The following CRB1 variants were observed in gnomAD, a reference collection of about 807,000 sequenced individuals.
CRB1 encodes the protein crumbs cell polarity complex component 1.
Under a neutral mutation model 120.0 loss-of-function variants are expected in CRB1, and 83 were observed. The ratio of observed to expected loss-of-function variants is 0.69; its 90% CI spans 0.58 to 0.83. CRB1 has a LOEUF of 0.83. Among genes scored for constraint, CRB1 ranks in the 40% least tolerant of loss-of-function variants. The probability of loss-of-function intolerance (pLI) is 0.00; values close to 1 mark genes in which losing one functional copy is unlikely to be tolerated. For missense variants in CRB1, 1,699 were observed against 1,687.6 expected (o/e 1.01, Z -0.12); for synonymous variants, 625 against 612.5 (o/e 1.02, Z -0.30).
chr1:197,314,287 T>G (rs1657717483), intron 1 of CRB1, among the ~76,000 whole-genome samples: 1 of 152,244 alleles, frequency 6.6e-6, no homozygotes, highest in Admixed American at 6.5e-5. Context: ...CTTCCTTCTC[T>G]GGTTCCAATG....
At chr1:197,399,638 A>T (rs1431699444) in intron 5 of CRB1, among the ~76,000 whole-genome samples, 1 of 152,180 alleles carries the variant, frequency 6.6e-6, no homozygotes, top group Non-Finnish European at 1.5e-5. Flanking sequence ...TTATTATCTC[A>T]CAGTTTCAGT....
chr1:197,321,061 T>G (rs1658161692), intron 1 of CRB1, among the ~76,000 whole-genome samples: 1 of 152,202 alleles, frequency 6.6e-6, no homozygotes, highest in Admixed American at 6.5e-5. Flanking sequence ...TGCTCAGCAA[T>G]GAAGCCTCGG....
chr1:197,406,678 T>G (rs1178538726), intron 5 of CRB1, among the ~76,000 whole-genome samples: 5 of 152,336 alleles, frequency 3.3e-5, no homozygotes, highest in Admixed American at 2.6e-4. Flanking sequence ...TAACATAAAT[T>G]TAACATTTCA....
intron 5 of CRB1, among the ~76,000 whole-genome samples, chr1:197,420,154 A>AT (rs1192120797): frequency 6.6e-6 from 1 of 152,174 alleles, no homozygotes; most frequent in Non-Finnish European, 1.5e-5. Flanking sequence ...AAATATAATA[A>AT]TTTGAATGAA....
At chr1:197,397,267 G>A (rs1360610478) in intron 5 of CRB1, among the ~76,000 whole-genome samples, 3 of 152,080 alleles carry the variant, frequency 2.0e-5, no homozygotes, top group Non-Finnish European at 4.4e-5. Context: ...TAGTGTATGT[G>A]TTGAGAGAGA....
chr1:197,238,871 A>G, the CRB1 span, among the ~76,000 whole-genome samples: 1 of 152,148 alleles, frequency 6.6e-6, no homozygotes, highest in African/African-American at 2.4e-5. Flanking sequence ...AGCTATTATA[A>G]AAACAAGACA....
At chr1:197,436,736 T>G (rs2125503110) in intron 9 of CRB1, among the ~76,000 whole-genome samples, 1 of 152,264 alleles carries the variant, frequency 6.6e-6, no homozygotes, top group South Asian at 2.1e-4. Flanking sequence ...TCACTACAGA[T>G]AAACTAATTT....
the CRB1 span, among the ~76,000 whole-genome samples, chr1:197,249,933 T>C: frequency 6.6e-6 from 1 of 152,012 alleles, no homozygotes; most frequent in African/African-American, 2.4e-5. Context: ...TATTCTGAGT[T>C]TGAGTGACCC....
At chr1:197,267,501 C>T (rs1319701387), upstream of CRB1, among the ~76,000 whole-genome samples, 1 of 152,012 alleles carries the variant, frequency 6.6e-6, no homozygotes, top group Non-Finnish European at 1.5e-5. Context: ...ATAGAAATTG[C>T]ATTTTAAAGT....
At position 197,427,826 on chromosome 1, in the gene CRB1, GCCTA is replaced by G. The variant is rs778419716; in HGVS notation, c.2505_2508del (p.Pro836ThrfsTer19). On this transcript the variant is annotated frameshift_variant, in exon 7 of 12. Coordinates refer to ENST00000367400, the MANE Select transcript of CRB1 (RefSeq NM_201253.3). LOFTEE classifies it high-confidence loss of function. ...AAGGGAGATGTCATCTACATTGGTG[GCCTA>G]CCTGACAAGCAAGAGACTGAACTTA... 1.9e-6 allele frequency: 3 copies of G among 1,613,974 alleles called. No individual in the cohort carries two copies. The African/African-American group carries it at 4.0e-5, about 22-fold the overall frequency.
chr1:197,399,786 C>T (rs1310720567), intron 5 of CRB1, among the ~76,000 whole-genome samples: 1 of 152,006 alleles, frequency 6.6e-6, no homozygotes, highest in African/African-American at 2.4e-5. Context: ...TGGTTTTTGG[C>T]AGGTACAAAT....
At chr1:197,338,673 G>T (rs1357793928) in intron 2 of CRB1, among the ~76,000 whole-genome samples, 1 of 152,014 alleles carries the variant, frequency 6.6e-6, no homozygotes, top group African/African-American at 2.4e-5. Flanking sequence ...GAAACCACAG[G>T]TTATTACAGT....
intron 11 of CRB1, among the ~76,000 whole-genome samples, chr1:197,446,412 A>G (rs937151987): frequency 2.6e-5 from 4 of 152,050 alleles, no homozygotes; most frequent in Non-Finnish European, 4.4e-5. Context: ...AAGGGGCTGG[A>G]GAGGTTGTGC....
intron 1 of CRB1, among the ~76,000 whole-genome samples, chr1:197,294,144 A>G (rs1168736410): frequency 6.6e-6 from 1 of 152,228 alleles, no homozygotes; most frequent in Admixed American, 6.6e-5. Context: ...GAATGGGAGA[A>G]AATTTTTGCA....
intron 8 of CRB1, among the ~76,000 whole-genome samples, chr1:197,433,094 T>G (rs1394582357): frequency 6.6e-6 from 1 of 151,532 alleles, no homozygotes; most frequent in Non-Finnish European, 1.5e-5. Flanking sequence ...CGGGGTCTTA[T>G]TATGTTGCCC....
At chr1:197,285,261 AT>A (rs769387134) in intron 1 of CRB1, among the ~76,000 whole-genome samples, 11 of 151,920 alleles carry the variant, frequency 7.2e-5, no homozygotes, top group Non-Finnish European at 1.6e-4. Flanking sequence ...TAGCTAAACT[AT>A]TTTTTATAAT....
the CRB1 span, among the ~76,000 whole-genome samples, chr1:197,253,074 T>TC: frequency 2.0e-5 from 3 of 151,970 alleles, no homozygotes; most frequent in African/African-American, 7.2e-5. Context: ...CCATCATAAC[T>TC]CCCCTCTTTA....
chr1:197,225,961 G>T, the CRB1 span, among the ~76,000 whole-genome samples: 1 of 151,952 alleles, frequency 6.6e-6, no homozygotes, highest in Admixed American at 6.6e-5. Context: ...GAGTGCAGTG[G>T]TGCCATCCCT....
At chr1:197,371,857 TC>T (rs1198863754) in intron 5 of CRB1, among the ~76,000 whole-genome samples, 4 of 152,074 alleles carry the variant, frequency 2.6e-5, no homozygotes, top group Non-Finnish European at 5.9e-5. Flanking sequence ...ACTTCATTCT[TC>T]AGAGATGCTT....
Sources: gnomAD v4.1 joint callset for allele counts (sites outside exome capture counted in the v4.1 genomes callset) on GRCh38, gnomAD v4.1.1 for gene constraint, MANE v1.5 for transcripts, NCBI Gene and HGNC (gene_info 2026-07-23, HGNC 2026-07-21) for gene names.